The following SCFD2 variants were observed in gnomAD, a reference collection of about 807,000 sequenced individuals.
SCFD2 encodes sec1 family domain-containing protein 2.
Under a neutral mutation model 58.9 loss-of-function variants are expected in SCFD2, and 54 were observed. The observed-to-expected ratio is 0.92, with a 90% CI of 0.74 to 1.15. The LOEUF (loss-of-function observed/expected upper bound fraction) is 1.15, where lower values mean the gene tolerates loss of function less well. SCFD2 is among the 50% of genes most tolerant of loss of function. The pLI is 0.00. For missense variants in SCFD2, 805 were observed against 836.6 expected, an observed-to-expected ratio of 0.96 and a Z score of 0.47; for synonymous variants, 321 against 335.9, an observed-to-expected ratio of 0.96 and a Z score of 0.49.
chr4:53,205,810 C>A (rs368110290), intron 4 of SCFD2, among the ~76,000 whole-genome samples: 1 of 150,274 alleles, frequency 6.7e-6, no homozygotes, highest in Non-Finnish European at 1.5e-5. Context: ...TGCAGTGAGC[C>A]GAGACTGAGC....
At chr4:53,207,491 T>TATATATATATACACACACACATAA (rs1423322157) in intron 4 of SCFD2, among the ~76,000 whole-genome samples, 7 of 21,790 alleles carry the variant, frequency 3.2e-4, no homozygotes, top group Non-Finnish European at 4.5e-4. Context: ...TATATATATA[T>TATATATATATACACACACACATAA]TTCATATATA....
At chr4:53,060,133 C>T (rs1425346210) in intron 5 of SCFD2, among the ~76,000 whole-genome samples, 3 of 152,052 alleles carry the variant, frequency 2.0e-5, no homozygotes, top group Non-Finnish European at 4.4e-5. Flanking sequence ...ATATGTCTTG[C>T]TCATGGAGTG....
chr4:53,140,651 T>C (rs561230731), intron 5 of SCFD2, among the ~76,000 whole-genome samples: 1 of 152,152 alleles, frequency 6.6e-6, no homozygotes, highest in Middle Eastern at 3.4e-3. Flanking sequence ...ATATCTAACA[T>C]ATTAACCAGA....
At chr4:53,238,167 G>A in intron 4 of SCFD2, among the ~76,000 whole-genome samples, 1 of 139,808 alleles carries the variant, frequency 7.2e-6, no homozygotes, top group African/African-American at 2.6e-5. Flanking sequence ...GGGGTGGCTG[G>A]CCGGGCGGGG....
intron 5 of SCFD2, among the ~76,000 whole-genome samples, chr4:53,022,228 T>C (rs149240184): frequency 2.7e-3 from 409 of 152,156 alleles, no homozygotes; most frequent in African/African-American, 9.2e-3. Context: ...CATGGAAAAA[T>C]GTTATTTTCT....
chr4:53,054,924 G>A (rs545848126), intron 5 of SCFD2, among the ~76,000 whole-genome samples: 10 of 152,272 alleles, frequency 6.6e-5, no homozygotes, highest in African/African-American at 2.4e-4. Flanking sequence ...AAAGTGCTGG[G>A]ATTACAGGTG....
At chr4:52,996,978 A>G (rs904766799) in intron 5 of SCFD2, among the ~76,000 whole-genome samples, 1 of 152,224 alleles carries the variant, frequency 6.6e-6, no homozygotes, top group Non-Finnish European at 1.5e-5. Flanking sequence ...AATACTCAGA[A>G]TAAAAAACAA....
chr4:52,967,411 T>C (rs1445323741), intron 5 of SCFD2, among the ~76,000 whole-genome samples: 1 of 152,212 alleles, frequency 6.6e-6, no homozygotes, highest in Non-Finnish European at 1.5e-5. Context: ...TGTCCCTAAG[T>C]AACTCTATAC....
chr4:53,054,632 A>AT (rs1294525985), intron 5 of SCFD2, among the ~76,000 whole-genome samples: 1 of 151,878 alleles, frequency 6.6e-6, no homozygotes, highest in Non-Finnish European at 1.5e-5. Flanking sequence ...TAGCTTAGAA[A>AT]AAAAAAAAAG....
At chr4:53,274,664 C>T (rs995587553) in intron 3 of SCFD2, among the ~76,000 whole-genome samples, 1 of 152,174 alleles carries the variant, frequency 6.6e-6, no homozygotes, top group African/African-American at 2.4e-5. Flanking sequence ...AGAGACTATA[C>T]AAACACTTGT....
At chr4:52,951,259 A>G (rs773160577) in intron 5 of SCFD2, among the ~76,000 whole-genome samples, 4 of 152,210 alleles carry the variant, frequency 2.6e-5, no homozygotes, top group Non-Finnish European at 5.9e-5. Context: ...AAAAAACTCC[A>G]AACACCTATT....
chr4:53,148,378 T>C (rs1726401113), intron 4 of SCFD2, among the ~76,000 whole-genome samples: 1 of 152,298 alleles, frequency 6.6e-6, no homozygotes, highest in Admixed American at 6.5e-5. Flanking sequence ...ACTTACATTC[T>C]AAATCTGTTT....
chr4:52,990,902 G>A (rs996756145), intron 5 of SCFD2, among the ~76,000 whole-genome samples: 2 of 152,212 alleles, frequency 1.3e-5, no homozygotes, highest in African/African-American at 4.8e-5. Context: ...CAGACCCTGG[G>A]CTGAGGTGGT....
At chr4:52,961,657 A>G (rs1048980492) in intron 5 of SCFD2, among the ~76,000 whole-genome samples, 4 of 152,192 alleles carry the variant, frequency 2.6e-5, no homozygotes, top group Non-Finnish European at 5.9e-5. Flanking sequence ...AAGCAATGGA[A>G]TAAGAACTTT....
chr4:53,184,435 C>G (rs112128309), intron 4 of SCFD2, among the ~76,000 whole-genome samples: 7 of 152,138 alleles, frequency 4.6e-5, no homozygotes, highest in African/African-American at 1.7e-4. Flanking sequence ...TATTTCGGAC[C>G]ACAAAATGGA....
intron 2 of SCFD2, among the ~76,000 whole-genome samples, chr4:53,322,003 G>A (rs1411477141): frequency 6.6e-6 from 1 of 152,218 alleles, no homozygotes; most frequent in East Asian, 1.9e-4. Flanking sequence ...CCAGCAGGGT[G>A]ATAAAAACAG....
At chr4:53,279,869 T>G (rs1170169403) in intron 3 of SCFD2, among the ~76,000 whole-genome samples, 1 of 152,078 alleles carries the variant, frequency 6.6e-6, no homozygotes, top group Non-Finnish European at 1.5e-5. Context: ...TATAAAACCA[T>G]CATGTCTTGT....
In SCFD2 at chr4:52,989,347, T is replaced by C. The variant is rs1721568304; in HGVS notation, c.1562-68477A>G. Among the ~76,000 whole-genome samples, 5 of 152,228 alleles carry C rather than the reference T, an allele frequency of 3.3e-5. No homozygotes were observed. In the South Asian group the frequency reaches 1.0e-3, roughly 32 times the overall value. ...CCAACATGCCACTATGGATAAAGCA[T>C]CCTAAGGAAAGATGATGGAAATAGT... is the stretch of plus-strand genomic sequence containing the variant. On this transcript the variant is annotated intron_variant, in intron 5 of 8. Coordinates refer to ENST00000401642, the MANE Select transcript of SCFD2 (RefSeq NM_152540.4).
chr4:52,895,270 A>G (rs1002696398), intron 7 of SCFD2, among the ~76,000 whole-genome samples: 2 of 151,996 alleles, frequency 1.3e-5, no homozygotes, highest in Non-Finnish European at 1.5e-5. Context: ...TGCTGCACCC[A>G]TTAACTCATC....
Sources: gnomAD v4.1 joint callset for allele counts (sites outside exome capture counted in the v4.1 genomes callset) on GRCh38, gnomAD v4.1.1 for gene constraint, MANE v1.5 for transcripts, NCBI Gene and HGNC (gene_info 2026-07-23, HGNC 2026-07-21) for gene names.